Variants in ZRANB1 observed in about 807,000 individuals in gnomAD.
ZRANB1 encodes the protein zinc finger RANBP2-type containing 1.
Under a neutral mutation model 80.5 loss-of-function variants are expected in ZRANB1, and 16 were observed. That is an observed-to-expected ratio of 0.20 (90% CI 0.13 to 0.30). The LOEUF is 0.30. Among genes scored for constraint, ZRANB1 ranks in the 10% least tolerant of loss-of-function variants. The pLI, the probability that ZRANB1 is intolerant of heterozygous loss-of-function variation, is 1.00. For synonymous variants in ZRANB1, 291 were observed against 293.1 expected, an observed-to-expected ratio of 0.99 and a Z score of 0.07; for missense variants, 576 against 862.6, an observed-to-expected ratio of 0.67 and a Z score of 4.16.
the ZRANB1 span, among the ~76,000 whole-genome samples, chr10:124,917,781 G>A: frequency 1.3e-5 from 2 of 152,194 alleles, no homozygotes; most frequent in African/African-American, 4.8e-5. Context: ...GGGACGACGA[G>A]GCGGGTGGGG....
the ZRANB1 span, among the ~76,000 whole-genome samples, chr10:124,918,163 A>G: frequency 6.6e-6 from 1 of 152,312 alleles, no homozygotes; most frequent in South Asian, 2.1e-4. Context: ...ATGTGCAAAA[A>G]TACCGTTTTA....
intron 2 of ZRANB1, among the ~76,000 whole-genome samples, chr10:124,970,833 GTTTTTTTTTT>G (rs34391929): frequency 4.7e-5 from 4 of 85,380 alleles, no homozygotes; most frequent in East Asian, 8.0e-4. Flanking sequence ...TCTCTTTGGG[GTTTTTTTTTT>G]TTTTTTTTTT....
chr10:124,978,724 T>A (rs888404754), intron 5 of ZRANB1, among the ~76,000 whole-genome samples: 1 of 151,810 alleles, frequency 6.6e-6, no homozygotes, highest in African/African-American at 2.4e-5. Context: ...CCTTGTGGGC[T>A]CAAGCAATTC....
rs570215205 is a variant in ZRANB1, at chr10:124,942,268, T to G, written c.-226T>G. 80 of 1,366,168 alleles carry G rather than the reference T, an allele frequency of 5.9e-5. No individual in the cohort carries two copies. The Admixed American group carries it at 8.6e-4, about 15-fold the overall frequency. 84.6% of individuals were successfully genotyped at this position (1,366,168 alleles called of 1,614,324 possible). A position where few individuals can be genotyped will look rare whatever the true frequency, so the allele number is the denominator to read the frequency against. On this transcript the variant is annotated 5_prime_UTR_variant, in exon 1 of 9. Coordinates refer to ENST00000359653, the MANE Select transcript of ZRANB1 (RefSeq NM_017580.3). The stretch of plus-strand genomic sequence containing the variant: ...TTAAATCCCAGGGTCTAAGATTTTT[T>G]CTTTGAGAATTTATCTCCAGTGTTT...
At chr10:124,926,894 C>G in the ZRANB1 span, among the ~76,000 whole-genome samples, 245 of 152,302 alleles carry the variant, frequency 1.6e-3, no homozygotes, top group African/African-American at 5.6e-3. Context: ...CTTATGGGGA[C>G]TACTGTCACA....
At position 124,981,720 on chromosome 10, in the gene ZRANB1, G is replaced by A. The variant is rs1317831060; in HGVS notation, c.1439G>A (p.Arg480His). ...TCCTGCTTTTTTAGGTTTTACACAC[G>A]CTGGAAAGATTGGGAATCATGGTAT... Reference protein sequence around the residue: ...LHDCSHWFYTRWKDWESWYSQ... With the variant: ...LHDCSHWFYTHWKDWESWYSQ... Residue 480 changes from arginine (R) to histidine (H), a missense_variant, in exon 6 of 9, where the codon CGC becomes CAC. Physicochemically the swap from Arg to His is conservative, Grantham distance 29. Transcript: ENST00000359653. The A allele has an allele frequency of 1.2e-6, 2 of 1,610,550 alleles. No individual in the cohort carries two copies. The highest frequency in any genetic ancestry group is 1.7e-6 in the Non-Finnish European group (2 of 1,178,928).
Position 124,983,561 on chromosome 10 carries a change from A to T in ZRANB1, c.1781A>T (p.Asn594Ile). Reference protein sequence around the residue: ...GHFSALVAMENDGYGNRGAGA... With the variant: ...GHFSALVAMEIDGYGNRGAGA... ...TTCTCTGCTTTGGTTGCCATGGAAA[A>T]TGATGGCTATGGCAACCGAGGTGCT... Residue 594 changes from asparagine (N) to isoleucine (I), a missense_variant, in exon 8 of 9, where the codon AAT becomes ATT. By Grantham distance (149) the Asn-to-Ile change is moderately radical (BLOSUM62 -3). Around this residue, in one of 3 missense-constraint regions of ZRANB1, gnomAD observed 152 missense variants for 221.9 expected, o/e 0.69. Transcript: ENST00000359653. This position sits in a 1 kb window ranked among gnomAD's most constrained non-coding sequence, Gnocchi z 6.2. 1.9e-6 allele frequency: 3 copies of T among 1,614,116 alleles called. No individual in the cohort carries two copies. Among genetic ancestry groups the T allele is most frequent in the South Asian group, 2.2e-5 (2 of 91,090 alleles).
At chr10:124,969,784 G>A (rs549520143) in intron 2 of ZRANB1, among the ~76,000 whole-genome samples, 2 of 152,248 alleles carry the variant, frequency 1.3e-5, no homozygotes, top group South Asian at 2.1e-4. Context: ...TAAAGTACAT[G>A]GACCATTCCC....
At position 124,981,749 on chromosome 10, in the gene ZRANB1, C is replaced by T. The variant is rs1951936299; in HGVS notation, c.1468C>T (p.Gln490Ter). 1 of 1,613,630 alleles carries T rather than the reference C, an allele frequency of 6.2e-7. No individual in the cohort carries two copies. The change falls in exon 6 of 9, where the codon CAG (glutamine) becomes TAG (stop). Residue 490 changes from glutamine to a stop codon, truncating the protein, a stop_gained. Coordinates refer to ENST00000359653, the MANE Select transcript of ZRANB1 (RefSeq NM_017580.3). LOFTEE classifies it high-confidence loss of function. ...RWKDWESWYS[Q>*]SFGLHFSLRE... ...GAAAGATTGGGAATCATGGTATTCTCAGAGCTTTGGTTTACATTTTTCCTT... is the reference window on the plus strand; with the variant it reads ...GAAAGATTGGGAATCATGGTATTCTTAGAGCTTTGGTTTACATTTTTCCTT...
intron 1 of ZRANB1, among the ~76,000 whole-genome samples, chr10:124,950,390 C>T (rs889800857): frequency 6.6e-6 from 1 of 152,164 alleles, no homozygotes; most frequent in Non-Finnish European, 1.5e-5. Flanking sequence ...TCCCAAAGTG[C>T]TGGGATTACA....
Position 124,985,658 on chromosome 10 carries a change from CTT to C in ZRANB1, c.*668_*669del, listed in dbSNP as rs36014858. 1 of 152,494 alleles carries C rather than the reference CTT, an allele frequency of 6.6e-6. No homozygotes were observed. The highest frequency in any genetic ancestry group is 2.4e-5 in the African/African-American group (1 of 41,366). 9.4% of individuals were successfully genotyped at this position (152,494 alleles called of 1,614,324 possible). A position where few individuals can be genotyped will look rare whatever the true frequency, so the allele number is the denominator to read the frequency against. ...AGGGTTTTGGTTTTGGTTATTGTGTCTTTAAGTTTTCTGATATGCCCCCTTTC... is the reference window on the plus strand; with the variant it reads ...AGGGTTTTGGTTTTGGTTATTGTGTCTAAGTTTTCTGATATGCCCCCTTTC... On this transcript the variant is annotated 3_prime_UTR_variant, in exon 9 of 9. Transcript: ENST00000359653.
chr10:124,943,073 A>G lies in ZRANB1; in HGVS notation c.580A>G (p.Ile194Val), dbSNP rs772654803. ...GGCAGAGACTGAAGAGGCTTCTTCA[A>G]TAATAAATGAGCAAGACAGAGCTCG... The part of the protein sequence containing the change: ...ELAETEEASS[I>V]INEQDRARWR... The change falls in exon 1 of 9, where the codon ATA becomes GTA. Residue 194 changes from isoleucine (I) to valine (V), a missense_variant. By Grantham distance (29) the Ile-to-Val change is conservative (BLOSUM62 3). Around this residue, in one of 3 missense-constraint regions of ZRANB1, gnomAD observed 411 missense variants for 583.1 expected, o/e 0.70. Transcript: ENST00000359653. 6.8e-6 allele frequency: 11 copies of G among 1,614,124 alleles called. No homozygotes were observed. The highest frequency in any genetic ancestry group is 1.3e-5 in the African/African-American group (1 of 74,946).
At chr10:124,922,587 G>A in the ZRANB1 span, among the ~76,000 whole-genome samples, 1 of 151,188 alleles carries the variant, frequency 6.6e-6, no homozygotes, top group Admixed American at 6.6e-5. Context: ...CCACCACCCG[G>A]CTTGAAGTGA....
At position 124,986,285 on chromosome 10, in the gene ZRANB1, G is replaced by GCACACACACACACA. The variant is rs1295268779; in HGVS notation, c.*1294_*1295insACACACACACACAC. The GCACACACACACACA allele has an allele frequency of 5.7e-4, 33 of 57,836 alleles. No individual in the cohort carries two copies. Among genetic ancestry groups the GCACACACACACACA allele is most frequent in the African/African-American group, 1.8e-3 (33 of 17,916 alleles). The allele number at this position is 57,836 out of a possible 1,614,324, so 3.6% of individuals were successfully genotyped here. ...TTGGAAAGACGACACACGCACGCGCGCGCGCGCACACACACACACACACAC... is the reference window on the plus strand; with the variant it reads ...TTGGAAAGACGACACACGCACGCGCGCACACACACACACACGCGCGCACACACACACACACACAC... On this transcript the variant is annotated 3_prime_UTR_variant, in exon 9 of 9. Transcript: ENST00000359653.
intron 1 of ZRANB1, among the ~76,000 whole-genome samples, chr10:124,959,562 G>T (rs1156940140): frequency 6.6e-6 from 1 of 151,916 alleles, no homozygotes; most frequent in Non-Finnish European, 1.5e-5. Flanking sequence ...ACCTTCTTGG[G>T]CTCAAGGGAT....
chr10:124,944,491 C>T (rs796971110), intron 1 of ZRANB1, among the ~76,000 whole-genome samples: 1 of 101,722 alleles, frequency 9.8e-6, no homozygotes, highest in Non-Finnish European at 2.0e-5. Flanking sequence ...CATTCCCCCC[C>T]CCCCCCCGCC....
At chr10:124,982,099 A>G (rs910930906) in intron 6 of ZRANB1, among the ~76,000 whole-genome samples, 25 of 152,226 alleles carry the variant, frequency 1.6e-4, no homozygotes, top group African/African-American at 5.8e-4. Context: ...GAATGATTAA[A>G]AACATCAAAA....
chr10:124,963,550 G>GTTTTTTTTTTTTTTTTT (rs1564962032), intron 1 of ZRANB1, among the ~76,000 whole-genome samples: 3 of 75,158 alleles, frequency 4.0e-5, no homozygotes, highest in African/African-American at 5.3e-5. Flanking sequence ...TTTTTTTTTT[G>GTTTTTTTTTTTTTTTTT]TTTGTTTTTT....
At chr10:124,922,281 A>AATATATATATATATAT in the ZRANB1 span, among the ~76,000 whole-genome samples, 50 of 87,434 alleles carry the variant, frequency 5.7e-4, no homozygotes, top group African/African-American at 2.1e-3. Flanking sequence ...ATATATGTAA[A>AATATATATATATATAT]ATATATATAT....
Sources: gnomAD v4.1 joint callset for allele counts (sites outside exome capture counted in the v4.1 genomes callset) on GRCh38, gnomAD v4.1.1 for gene constraint, gnomAD v4.1.1 regional missense constraint, Gnocchi (gnomAD v3.1) non-coding constraint, MANE v1.5 for transcripts, NCBI Gene and HGNC (gene_info 2026-07-23, HGNC 2026-07-21) for gene names.